SPATA6: variants seen among roughly 807,000 people sequenced by gnomAD.
The protein encoded by SPATA6 is spermatogenesis associated 6, also known as spermatogenesis-associated protein 6.
A neutral mutation model predicts 65.3 loss-of-function variants in SPATA6; 56 were observed. That is an observed-to-expected ratio of 0.86 (90% confidence interval 0.69 to 1.07). The LOEUF (loss-of-function observed/expected upper bound fraction) is 1.07, where lower values mean the gene tolerates loss of function less well. SPATA6 is among the 50% of genes least tolerant of loss of function. The pLI is 0.00. For missense variants in SPATA6, 590 were observed against 594.8 expected, an observed-to-expected ratio of 0.99 and a Z score of 0.08; for synonymous variants, 199 against 213.2, an observed-to-expected ratio of 0.93 and a Z score of 0.58.
At position 48,463,720 on chromosome 1, in the gene SPATA6, T is replaced by C. The variant is rs542988637; in HGVS notation, c.51+8238A>G. 2.0e-5 allele frequency among the ~76,000 whole-genome samples: 3 copies of C among 152,276 alleles called. No homozygotes were observed. The South Asian group carries it at 6.2e-4, about 32-fold the overall frequency. On this transcript the variant is annotated intron_variant, in intron 1 of 12. Coordinates refer to ENST00000371847, the MANE Select transcript of SPATA6 (RefSeq NM_019073.4). ...GATGGGTACACAGGTGTTCATTAAATGTTACTCTATAACTTCCTATATGTC... is the reference window on the plus strand; with the variant it reads ...GATGGGTACACAGGTGTTCATTAAACGTTACTCTATAACTTCCTATATGTC...
chr1:48,314,699 A>C (rs949420232), intron 11 of SPATA6, among the ~76,000 whole-genome samples: 7 of 152,176 alleles, frequency 4.6e-5, no homozygotes, highest in African/African-American at 1.7e-4. Flanking sequence ...ATCAGAGCAG[A>C]ACTGAAGGAG....
At chr1:48,325,229 T>C in intron 11 of SPATA6, 1 of 747,390 alleles carries the variant, frequency 1.3e-6, no homozygotes, top group Admixed American at 2.2e-5. Flanking sequence ...GGGAGTCAAG[T>C]CCACAACAGG....
chr1:48,269,998 T>C, the SPATA6 span, among the ~76,000 whole-genome samples: 1 of 152,084 alleles, frequency 6.6e-6, no homozygotes, highest in Non-Finnish European at 1.5e-5. Context: ...AAAGACACTG[T>C]CTTTCATTAA....
chr1:48,309,582 A>G (rs1192232805), intron 11 of SPATA6, among the ~76,000 whole-genome samples: 3 of 152,194 alleles, frequency 2.0e-5, no homozygotes, highest in Non-Finnish European at 2.9e-5. Context: ...GGTTCTTTGA[A>G]TAACTATATT....
intron 9 of SPATA6, among the ~76,000 whole-genome samples, 165 bp from the exon 10 acceptor site, chr1:48,359,935 G>C (rs1410646139): frequency 6.6e-6 from 1 of 152,002 alleles, no homozygotes; most frequent in Non-Finnish European, 1.5e-5. Context: ...ATAAAATTCA[G>C]AACATAGTAA....
chr1:48,363,815 T>C (rs531612120), intron 9 of SPATA6, among the ~76,000 whole-genome samples: 2 of 151,924 alleles, frequency 1.3e-5, no homozygotes, highest in Non-Finnish European at 1.5e-5. Context: ...TTTATTATTA[T>C]TATACTTTAA....
intron 3 of SPATA6, among the ~76,000 whole-genome samples, chr1:48,434,002 C>A (rs1040016279): frequency 1.9e-4 from 29 of 152,114 alleles, no homozygotes; most frequent in African/African-American, 6.5e-4. Context: ...AATATCATAT[C>A]TTCTCTTTAT....
intron 9 of SPATA6, among the ~76,000 whole-genome samples, chr1:48,379,839 A>C (rs905096182): frequency 9.2e-5 from 14 of 152,234 alleles, no homozygotes; most frequent in Non-Finnish European, 2.9e-5. Context: ...GCCTTTAAAA[A>C]TACAATGGAA....
At chr1:48,437,242 T>C (rs1655020908) in intron 3 of SPATA6, 7 of 1,611,954 alleles carry the variant, frequency 4.3e-6, no homozygotes, top group African/African-American at 4.0e-5. Context: ...AATCATTTCA[T>C]GTCCTATATA....
chr1:48,375,545 C>T (rs1407494895), intron 9 of SPATA6, among the ~76,000 whole-genome samples: 1 of 151,880 alleles, frequency 6.6e-6, no homozygotes, highest in African/African-American at 2.4e-5. Context: ...TAATTGTTTT[C>T]TTCATGAGAG....
intron 11 of SPATA6, among the ~76,000 whole-genome samples, chr1:48,317,104 G>T (rs1011783189): frequency 2.0e-5 from 3 of 152,252 alleles, no homozygotes; most frequent in Admixed American, 6.5e-5. Context: ...TTCAACGATT[G>T]TGGAGGTCAG....
chr1:48,291,273 G>T (rs1470469214), downstream of SPATA6, among the ~76,000 whole-genome samples: 1 of 152,176 alleles, frequency 6.6e-6, no homozygotes, highest in Non-Finnish European at 1.5e-5. Flanking sequence ...GGATCAGGTG[G>T]TAGGCAGGGC....
At chr1:48,363,815 T>A (rs531612120) in intron 9 of SPATA6, among the ~76,000 whole-genome samples, 2 of 151,808 alleles carry the variant, frequency 1.3e-5, no homozygotes, top group African/African-American at 4.8e-5. Context: ...TTTATTATTA[T>A]TATACTTTAA....
At chr1:48,471,377 G>A (rs1470631190) in intron 1 of SPATA6, among the ~76,000 whole-genome samples, 1 of 152,204 alleles carries the variant, frequency 6.6e-6, no homozygotes, top group Non-Finnish European at 1.5e-5. Flanking sequence ...TGAGGAGTTG[G>A]GTTTTTCCTG....
rs143170890 is a variant in SPATA6 at position 48,307,725 on chromosome 1, C to A, written c.1195-1847G>T. 2.5e-3 allele frequency among the ~76,000 whole-genome samples: 386 copies of A among 151,658 alleles called. 7 individuals carry two copies. Among genetic ancestry groups the A allele is most frequent in the East Asian group, 0.014 (74 of 5,164 alleles). Reference sequence around the variant, plus strand: ...TCTCTATTATATTGCATATCTATTTCTTCTTTCTATTCTATCAGTTTTTCC... The same window carrying A: ...TCTCTATTATATTGCATATCTATTTATTCTTTCTATTCTATCAGTTTTTCC... On this transcript the variant is annotated intron_variant, in intron 11 of 12. Coordinates refer to ENST00000371847, the MANE Select transcript of SPATA6 (RefSeq NM_019073.4).
chr1:48,394,643 T>C (rs1650406970), intron 8 of SPATA6, among the ~76,000 whole-genome samples: 2 of 152,072 alleles, frequency 1.3e-5, no homozygotes, highest in East Asian at 1.9e-4. Flanking sequence ...CTCAATGTAA[T>C]GATTCTATTA....
intron 9 of SPATA6, among the ~76,000 whole-genome samples, chr1:48,369,122 C>T (rs144928406): frequency 0.076 from 11,639 of 152,150 alleles, 610 homozygotes; most frequent in East Asian, 0.23. Flanking sequence ...TCGTGAACCG[C>T]GAATGCTGCT....
At chr1:48,276,016 A>G in the SPATA6 span, among the ~76,000 whole-genome samples, 1 of 151,842 alleles carries the variant, frequency 6.6e-6, no homozygotes, top group Non-Finnish European at 1.5e-5. Flanking sequence ...TTCAGAACTT[A>G]TTATTGGTCT....
intron 9 of SPATA6, among the ~76,000 whole-genome samples, chr1:48,366,825 T>C (rs1647033284): frequency 6.6e-6 from 1 of 152,210 alleles, no homozygotes; most frequent in Non-Finnish European, 1.5e-5. Context: ...AGTTATTTCT[T>C]GCCTTCTGCT....
Sources: gnomAD v4.1 joint callset for allele counts (sites outside exome capture counted in the v4.1 genomes callset) on GRCh38, gnomAD v4.1.1 for gene constraint, MANE v1.5 for transcripts, NCBI Gene and HGNC (gene_info 2026-07-23, HGNC 2026-07-21) for gene names.